PCDHA7: variants seen among roughly 807,000 people sequenced by gnomAD.
PCDHA7 encodes protocadherin alpha 7.
PCDHA7 carries 37 observed loss-of-function variants against 57.2 expected under a neutral mutation model. The ratio of observed to expected loss-of-function variants is 0.65; its 90% confidence interval spans 0.50 to 0.85. The LOEUF (loss-of-function observed/expected upper bound fraction) is 0.85, where lower values mean the gene tolerates loss of function less well. Among genes scored for constraint, PCDHA7 ranks in the 40% least tolerant of loss-of-function variants. The probability of loss-of-function intolerance (pLI) is 0.00; values close to 1 mark genes in which losing one functional copy is unlikely to be tolerated. For missense variants in PCDHA7, 1,188 were observed against 1,241.8 expected (o/e 0.96, Z 0.65); for synonymous variants, 553 against 558.8 (o/e 0.99, Z 0.15).
At chr5:140,906,083 A>G (rs1554192390) in intron 1 of PCDHA7, among the ~76,000 whole-genome samples, 1 of 152,146 alleles carries the variant, frequency 6.6e-6, no homozygotes, top group Non-Finnish European at 1.5e-5. Context: ...ACCCACCCAG[A>G]CTGAGAGTAA....
chr5:140,942,633 G>A (rs1554215141), intron 1 of PCDHA7, among the ~76,000 whole-genome samples: 1 of 151,496 alleles, frequency 6.6e-6, no homozygotes, highest in Admixed American at 6.6e-5. Context: ...AAAAAAAATG[G>A]CAAAAGAGAT....
intron 3 of PCDHA7, among the ~76,000 whole-genome samples, chr5:141,005,308 T>TA (rs2098205734): frequency 6.6e-6 from 1 of 152,214 alleles, no homozygotes; most frequent in Non-Finnish European, 1.5e-5. Context: ...TTGTGAATCT[T>TA]ACAGTGGTAG....
In PCDHA7 at chr5:140,834,610, A is replaced by C; in HGVS notation, c.227A>C (p.Glu76Ala). The C allele has an allele frequency of 5.0e-6, 8 of 1,614,064 alleles. No individual in the cohort carries two copies. Among genetic ancestry groups the C allele is most frequent in the Non-Finnish European group, 6.8e-6 (8 of 1,179,984 alleles). ...TGCAAATTCCGTGGGGATCTTCTGG[A>C]GGTAAATCTGCAGAATGGCATTTTG... Reference protein sequence around the residue: ...AVCKFRGDLLEVNLQNGILFV... With the variant: ...AVCKFRGDLLAVNLQNGILFV... The change falls in exon 1 of 4, where the codon GAG (glutamate) becomes GCG (alanine). Residue 76 changes from glutamate to alanine, a missense_variant. Transcript: ENST00000525929.
At chr5:140,954,356 CCA>C (rs1251664193) in intron 1 of PCDHA7, among the ~76,000 whole-genome samples, 1 of 152,152 alleles carries the variant, frequency 6.6e-6, no homozygotes, top group Non-Finnish European at 1.5e-5. Flanking sequence ...TGAGGAATCG[CCA>C]CACAGTCTCC....
chr5:140,987,523 T>C (rs942927324), intron 3 of PCDHA7, among the ~76,000 whole-genome samples: 1 of 152,174 alleles, frequency 6.6e-6, no homozygotes, highest in Non-Finnish European at 1.5e-5. Context: ...AGTAATTGTA[T>C]GTTCCTGGGA....
chr5:140,850,170 AACG>A (rs2150470514), intron 1 of PCDHA7: 1 of 1,594,520 alleles, frequency 6.3e-7, no homozygotes, highest in Non-Finnish European at 8.6e-7. Context: ...GCTGGACGAG[AACG>A]ACAATGCGCC....
At chr5:140,936,577 A>G (rs776415020) in intron 1 of PCDHA7, among the ~76,000 whole-genome samples, 1 of 152,186 alleles carries the variant, frequency 6.6e-6, no homozygotes, top group Non-Finnish European at 1.5e-5. Flanking sequence ...TCCACTTGTA[A>G]ATCCAGTTAG....
chr5:140,967,012 G>C (rs1554229065), intron 1 of PCDHA7: 1 of 1,606,656 alleles, frequency 6.2e-7, no homozygotes, highest in African/African-American at 1.3e-5. Flanking sequence ...TCAACCATCT[G>C]GGTGCGCCCA....
rs782673398 is a variant in PCDHA7, at chr5:140,875,932, C to A, written c.2355+39194C>A. ...TGCGCCTCTGGACTCTCATTTTCCTCTAGAGGGCGCTTCTGATGCGGATAT... is the reference window on the plus strand; with the variant it reads ...TGCGCCTCTGGACTCTCATTTTCCTATAGAGGGCGCTTCTGATGCGGATAT... On this transcript the variant is annotated intron_variant, in intron 1 of 3. Coordinates refer to ENST00000525929, the MANE Select transcript of PCDHA7 (RefSeq NM_018910.3). The A allele has an allele frequency of 3.1e-6, 5 of 1,614,154 alleles. No individual in the cohort carries two copies.
At chr5:140,985,739 CTTT>C (rs11372071) in intron 3 of PCDHA7, among the ~76,000 whole-genome samples, 5 of 117,900 alleles carry the variant, frequency 4.2e-5, no homozygotes, top group Non-Finnish European at 1.7e-5. Context: ...TGATGAATTC[CTTT>C]TTTTTTTTTT....
chr5:140,873,412 T>C (rs2054273798), intron 1 of PCDHA7, among the ~76,000 whole-genome samples: 1 of 152,210 alleles, frequency 6.6e-6, no homozygotes, highest in Non-Finnish European at 1.5e-5. Context: ...GGTTAAAATT[T>C]TGTAAATTAT....
intron 1 of PCDHA7, chr5:140,853,696 T>C: frequency 1.1e-5 from 11 of 988,274 alleles, no homozygotes; most frequent in Non-Finnish European, 1.3e-5. Context: ...TTAGACCTGC[T>C]AACGCATTAG....
intron 1 of PCDHA7, among the ~76,000 whole-genome samples, chr5:140,915,929 C>A (rs1554197194): frequency 1.3e-5 from 2 of 152,144 alleles, no homozygotes; most frequent in African/African-American, 4.8e-5. Context: ...ACTTGGGAGT[C>A]AGGGATTGGA....
Position 140,849,791 on chromosome 5 carries a change from G to A in PCDHA7, c.2355+13053G>A. ...TGGTTACCGCGCGGGACGGGGGCTC[G>A]CCTTCACTGTGGGCCACGGCCAGGG... On this transcript the variant is annotated intron_variant, in intron 1 of 3. Coordinates refer to ENST00000525929, the MANE Select transcript of PCDHA7 (RefSeq NM_018910.3). The A allele has an allele frequency of 1.9e-6, 3 of 1,598,446 alleles. 1 individual carries two copies. Among genetic ancestry groups the A allele is most frequent in the African/African-American group, 1.3e-5 (1 of 74,534 alleles).
At chr5:140,865,590 T>G (rs1353926761) in intron 1 of PCDHA7, 3 of 152,234 alleles carry the variant, frequency 2.0e-5, no homozygotes, top group Non-Finnish European at 4.4e-5. Flanking sequence ...AAATCACCAT[T>G]GTTTGAGCAG....
intron 1 of PCDHA7, among the ~76,000 whole-genome samples, chr5:140,920,056 C>T (rs2079426580): frequency 6.6e-6 from 1 of 152,144 alleles, no homozygotes; most frequent in African/African-American, 2.4e-5. Flanking sequence ...GCCACCAACA[C>T]CTGGAAAAGG....
intron 1 of PCDHA7, among the ~76,000 whole-genome samples, chr5:140,977,739 T>C (rs1198089748): frequency 1.3e-5 from 2 of 152,206 alleles, no homozygotes; most frequent in South Asian, 2.1e-4. Context: ...CTGGGTGTTA[T>C]GAAGAAATGT....
chr5:140,986,285 A>AGACT (rs1311762694), intron 3 of PCDHA7, among the ~76,000 whole-genome samples: 3 of 152,134 alleles, frequency 2.0e-5, no homozygotes, highest in Admixed American at 2.0e-4. Flanking sequence ...GCTTCCCTTG[A>AGACT]GACTGAGCAG....
intron 1 of PCDHA7, chr5:140,929,216 A>G: frequency 6.2e-7 from 1 of 1,614,100 alleles, no homozygotes; most frequent in Non-Finnish European, 8.5e-7. Flanking sequence ...CGTGGGGAGT[A>G]CAATGCTGCC....
Sources: gnomAD v4.1 joint callset for allele counts (sites outside exome capture counted in the v4.1 genomes callset) on GRCh38, gnomAD v4.1.1 for gene constraint, MANE v1.5 for transcripts, NCBI Gene and HGNC (gene_info 2026-07-23, HGNC 2026-07-21) for gene names.